Variants in JPT2 observed in about 807,000 individuals in gnomAD.
JPT2 encodes Jupiter microtubule associated homolog 2, also known as CRAMP_1 like.
In JPT2, 9 loss-of-function variants were observed where a neutral mutation model predicts 15.9. The ratio of observed to expected loss-of-function variants is 0.57; its 90% CI spans 0.34 to 0.99. The LOEUF (loss-of-function observed/expected upper bound fraction) is 0.99. Among genes scored for constraint, JPT2 ranks in the 50% least tolerant of loss-of-function variants. The pLI is 0.02. For synonymous variants in JPT2, 95 were observed against 91.7 expected (o/e 1.04, Z -0.21); for missense variants, 267 against 252.1 (o/e 1.06, Z -0.40).
chr16:1,680,618 C>G (rs147745556), intron 1 of JPT2: 29 of 624,816 alleles, frequency 4.6e-5, no homozygotes, highest in Middle Eastern at 5.5e-4. Context: ...TGCTGTGAAG[C>G]GAGTCAGGTG....
intron 1 of JPT2, 103 bp from the exon 2 acceptor site, chr16:1,685,336 A>G (rs1292463620): frequency 2.3e-6 from 3 of 1,326,806 alleles, no homozygotes; most frequent in South Asian, 2.7e-5. Context: ...TCAAAAAGAA[A>G]AAAACAAAAT....
intron 1 of JPT2, chr16:1,680,475 A>T: frequency 8.0e-7 from 1 of 1,246,216 alleles, no homozygotes; most frequent in Non-Finnish European, 1.0e-6. Flanking sequence ...GAGGAAGGAA[A>T]GCCGGTCTGA....
intron 1 of JPT2, among the ~76,000 whole-genome samples, chr16:1,683,771 T>C (rs549941887): frequency 6.6e-6 from 1 of 152,350 alleles, no homozygotes; most frequent in South Asian, 2.1e-4. Flanking sequence ...GAAACTGTTA[T>C]TTTTGTTAAC....
chr16:1,693,253 C>T (rs756353236), intron 3 of JPT2, among the ~76,000 whole-genome samples: 1 of 152,152 alleles, frequency 6.6e-6, no homozygotes, highest in African/African-American at 2.4e-5. Context: ...TGCACCACCA[C>T]GTCCGGCTAA....
At chr16:1,680,301 G>T (rs1209195896) in intron 1 of JPT2, 4 of 995,246 alleles carry the variant, frequency 4.0e-6, no homozygotes, top group Non-Finnish European at 4.8e-6. Context: ...GTAAATGATG[G>T]TGTTTATTAT....
At chr16:1,697,148 G>C (rs762648720) in intron 3 of JPT2, among the ~76,000 whole-genome samples, 4 of 152,198 alleles carry the variant, frequency 2.6e-5, no homozygotes, top group Non-Finnish European at 5.9e-5. Flanking sequence ...ATTGACACAC[G>C]CTACAGCATG....
At chr16:1,687,477 T>C (rs1321196593) in intron 2 of JPT2, among the ~76,000 whole-genome samples, 1 of 152,222 alleles carries the variant, frequency 6.6e-6, no homozygotes, top group Non-Finnish European at 1.5e-5. Context: ...GATAGAATCC[T>C]ATCTGAGCCA....
intron 1 of JPT2, among the ~76,000 whole-genome samples, chr16:1,681,940 A>G (rs535445055): frequency 6.6e-6 from 1 of 152,262 alleles, no homozygotes; most frequent in Non-Finnish European, 1.5e-5. Context: ...AGTCAGTAAA[A>G]GGAATTATAG....
chr16:1,696,700 C>T (rs558584224), intron 3 of JPT2, among the ~76,000 whole-genome samples: 1 of 152,116 alleles, frequency 6.6e-6, no homozygotes, highest in Admixed American at 6.5e-5. Context: ...AGAAGAGATA[C>T]AAGCAGCCAA....
intron 2 of JPT2, 85 bp downstream of exon 2, chr16:1,685,672 C>A: frequency 7.3e-7 from 1 of 1,374,630 alleles, no homozygotes; most frequent in Admixed American, 2.2e-5. Context: ...CTGATCCTTT[C>A]CCATATTGTC....
intron 3 of JPT2, among the ~76,000 whole-genome samples, chr16:1,695,559 T>C (rs1446523942): frequency 6.6e-6 from 1 of 151,720 alleles, no homozygotes; most frequent in Non-Finnish European, 1.5e-5. Flanking sequence ...GGTGACAGAA[T>C]GAGATCCTGT....
chr16:1,702,112 C>T (rs2037184096), downstream of JPT2: 1 of 455,174 alleles, frequency 2.2e-6, no homozygotes, highest in Non-Finnish European at 4.4e-6. Flanking sequence ...CATATGTTTT[C>T]TAACATACTT....
At chr16:1,691,363 A>G (rs2037102505) in intron 2 of JPT2, among the ~76,000 whole-genome samples, 2 of 152,240 alleles carry the variant, frequency 1.3e-5, no homozygotes, top group Admixed American at 1.3e-4. Flanking sequence ...GAATGAGGTC[A>G]GAAGAATGAC....
rs34233163 is a variant in JPT2 at position 1,701,632 on chromosome 16, TC to T, written c.*2637del. On this transcript the variant is annotated 3_prime_UTR_variant, in exon 5 of 5. Transcript: ENST00000248098. ...TGTAACTTAAATGAACGGGTTTTTT[TC>T]CCTTGTATGCCACTTGTCCTAACAT... 6.6e-6 allele frequency: 1 copy of T among 152,226 alleles called. No homozygotes were observed. The highest frequency in any genetic ancestry group is 1.5e-5 in the Non-Finnish European group (1 of 68,074). The allele number at this position is 152,226 out of a possible 1,614,324, so 9.4% of individuals were successfully genotyped here. A position where few individuals can be genotyped will look rare whatever the true frequency, so the allele number is the denominator to read the frequency against.
chr16:1,682,304 G>T (rs2037029574), intron 1 of JPT2, among the ~76,000 whole-genome samples: 1 of 152,090 alleles, frequency 6.6e-6, no homozygotes, highest in Non-Finnish European at 1.5e-5. Flanking sequence ...TTGAACCTGG[G>T]AGGTGGAGGT....
At chr16:1,685,096 G>T (rs2037054636) in intron 1 of JPT2, among the ~76,000 whole-genome samples, 1 of 152,124 alleles carries the variant, frequency 6.6e-6, no homozygotes, top group Non-Finnish European at 1.5e-5. Context: ...GGACGCCAAG[G>T]TGGGCAGATC....
chr16:1,683,604 C>T (rs948822107), intron 1 of JPT2: 2 of 1,533,512 alleles, frequency 1.3e-6, no homozygotes, highest in African/African-American at 2.7e-5. Flanking sequence ...TCGGCCAGCA[C>T]ACGCTTGGTT....
chr16:1,691,436 C>G (rs2037102951), intron 2 of JPT2, among the ~76,000 whole-genome samples: 2 of 152,142 alleles, frequency 1.3e-5, no homozygotes, highest in South Asian at 4.1e-4. Context: ...ATTCAGAACT[C>G]TTATCTGTGT....
rs921166624 is a variant in JPT2 at position 1,685,542 on chromosome 16, C to T, written c.148C>T (p.Pro50Ser). 1.9e-6 allele frequency: 3 copies of T among 1,614,024 alleles called. No homozygotes were observed. The African/African-American group carries it at 4.0e-5, about 22-fold the overall frequency. The change falls in exon 2 of 5, where the codon CCA becomes TCA. Residue 50 changes from proline (P) to serine (S), a missense_variant. By Grantham distance (74) the Pro-to-Ser change is moderately conservative. Coordinates refer to ENST00000248098, the MANE Select transcript of JPT2 (RefSeq NM_144570.3). The part of the protein sequence containing the change: ...PNRMASNIFG[P>S]TEEPQNIPKR... ...TAGGATGGCATCTAATATTTTTGGA[C>T]CAACAGAAGAACCTCAGAACATACC... is the stretch of plus-strand genomic sequence containing the variant.
Sources: gnomAD v4.1 joint callset for allele counts (sites outside exome capture counted in the v4.1 genomes callset) on GRCh38, gnomAD v4.1.1 for gene constraint, MANE v1.5 for transcripts, NCBI Gene and HGNC (gene_info 2026-07-23, HGNC 2026-07-21) for gene names.